CD226: variants seen among roughly 807,000 people sequenced by gnomAD.
CD226 encodes the protein CD226 antigen.
A neutral mutation model predicts 34.9 loss-of-function variants in CD226; 24 were observed. That is an observed-to-expected ratio of 0.69 (90% CI 0.50 to 0.97). CD226 has a LOEUF of 0.97. Among genes scored for constraint, CD226 ranks in the 50% least tolerant of loss-of-function variants. CD226 has a pLI of 0.00. For synonymous variants in CD226, 148 were observed against 147.4 expected (o/e 1.00, Z -0.03); for missense variants, 397 against 412.7 (o/e 0.96, Z 0.33).
upstream of CD226, among the ~76,000 whole-genome samples, chr18:69,948,698 G>A (rs947620089): frequency 6.6e-6 from 1 of 152,108 alleles, no homozygotes; most frequent in Non-Finnish European, 1.5e-5. Context: ...TGTGCCTCTA[G>A]TTGTTTTGTG....
At chr18:69,929,650 T>C (rs908847358) in intron 2 of CD226, among the ~76,000 whole-genome samples, 2 of 152,046 alleles carry the variant, frequency 1.3e-5, no homozygotes, top group African/African-American at 4.8e-5. Context: ...CAACCCAAGT[T>C]CTCTCTTGGG....
At position 69,853,380 on chromosome 18, in the gene CD226, G is replaced by A. The variant is rs997557599; in HGVS notation, c.*10934C>T. 3.3e-5 allele frequency: 5 copies of A among 152,104 alleles called. No homozygotes were observed. Among genetic ancestry groups the A allele is most frequent in the African/African-American group, 1.2e-4 (5 of 41,436 alleles). 9.4% of individuals were successfully genotyped at this position (152,104 alleles called of 1,614,324 possible). ...AGGCCTCAGGACGTATAGACCTTCT[G>A]CCCTCTGTTGTGTTCATCTTCCTTC... On this transcript the variant is annotated 3_prime_UTR_variant, in exon 6 of 6. Transcript: ENST00000582621.
chr18:69,934,108 C>A (rs375546658), intron 2 of CD226, among the ~76,000 whole-genome samples: 1 of 152,162 alleles, frequency 6.6e-6, no homozygotes, highest in African/African-American at 2.4e-5. Flanking sequence ...CAACTGAATT[C>A]TTTGGCTGTT....
chr18:69,928,594 A>T (rs2055552087), intron 2 of CD226, among the ~76,000 whole-genome samples: 1 of 152,226 alleles, frequency 6.6e-6, no homozygotes, highest in Admixed American at 6.5e-5. Context: ...CTTATCCAAA[A>T]TACTTGGGAA....
chr18:69,910,090 G>A (rs758552181), intron 2 of CD226, among the ~76,000 whole-genome samples: 30 of 152,208 alleles, frequency 2.0e-4, no homozygotes, highest in Non-Finnish European at 2.8e-4. Context: ...ACGGCAGCCT[G>A]AACTTTTTTC....
At chr18:69,901,306 C>T (rs2055179477) in intron 2 of CD226, among the ~76,000 whole-genome samples, 1 of 152,060 alleles carries the variant, frequency 6.6e-6, no homozygotes, top group African/African-American at 2.4e-5. Flanking sequence ...GAAATTATTG[C>T]TGTTTTGTGA....
At chr18:69,885,670 A>G (rs1043802717) in intron 3 of CD226, among the ~76,000 whole-genome samples, 5 of 152,098 alleles carry the variant, frequency 3.3e-5, no homozygotes, top group African/African-American at 1.2e-4. Flanking sequence ...GGCTACTCCT[A>G]AAGTTCCCCT....
intron 2 of CD226, among the ~76,000 whole-genome samples, chr18:69,900,711 C>T (rs1367315700): frequency 2.1e-5 from 3 of 142,166 alleles, no homozygotes; most frequent in African/African-American, 8.0e-5. Flanking sequence ...CGCAGTCCGG[C>T]CTGGGCGACA....
chr18:69,957,459 GT>G (rs1007062514), upstream of CD226, among the ~76,000 whole-genome samples: 3 of 152,100 alleles, frequency 2.0e-5, no homozygotes. Flanking sequence ...GAAACACTAG[GT>G]TTTTTGCTGC....
chr18:69,940,827 A>T (rs890937006), intron 2 of CD226, among the ~76,000 whole-genome samples: 2 of 152,234 alleles, frequency 1.3e-5, no homozygotes, highest in Admixed American at 1.3e-4. Context: ...GCCAAATGTA[A>T]ATCACCAAGA....
At chr18:69,873,031 A>T in intron 4 of CD226, 113 bp downstream of exon 4, 1 of 719,502 alleles carries the variant, frequency 1.4e-6, no homozygotes, top group Middle Eastern at 3.8e-4. Context: ...GTGTTAGAAC[A>T]GTACTCACAA....
intron 2 of CD226, among the ~76,000 whole-genome samples, chr18:69,916,861 T>C (rs1411261403): frequency 7.2e-5 from 11 of 152,202 alleles, no homozygotes; most frequent in Admixed American, 7.2e-4. Context: ...TTCTGAACCT[T>C]TGTGACATGG....
At chr18:69,876,673 G>A (rs922698612) in intron 3 of CD226, among the ~76,000 whole-genome samples, 4 of 151,992 alleles carry the variant, frequency 2.6e-5, no homozygotes, top group African/African-American at 9.7e-5. Context: ...CAAAGGTGTG[G>A]GTGGTTTTCC....
In CD226 at chr18:69,896,030, G is replaced by A. The variant is rs778957915; in HGVS notation, c.398C>T (p.Ala133Val). 39 of 1,608,330 alleles carry A rather than the reference G, an allele frequency of 2.4e-5. No homozygotes were observed. Among genetic ancestry groups the A allele is most frequent in the Non-Finnish European group, 3.0e-5 (35 of 1,178,386 alleles). ...QVVQSDSFEA[A>V]VPSNSHIVSE... is the part of the protein sequence containing the mutation. ...AACAATGTGGCTATTTGATGGCACA[G>A]CTGCCTCAAAACTATCTGAAAAGAA... is the stretch of plus-strand genomic sequence containing the variant. The change falls in exon 3 of 6, where the codon GCT (alanine) becomes GTT (valine). Residue 133 changes from alanine to valine, a missense_variant. Ala to Val is a moderately conservative substitution (Grantham distance 64, BLOSUM62 0). Transcript: ENST00000582621.
At chr18:69,961,205 C>T (rs1479053961), upstream of CD226, among the ~76,000 whole-genome samples, 1 of 152,022 alleles carries the variant, frequency 6.6e-6, no homozygotes, top group African/African-American at 2.4e-5. Flanking sequence ...ATGAATGTAC[C>T]TCAAGAATTT....
At chr18:69,910,793 G>T (rs888529826) in intron 2 of CD226, among the ~76,000 whole-genome samples, 1 of 152,150 alleles carries the variant, frequency 6.6e-6, no homozygotes, top group African/African-American at 2.4e-5. Flanking sequence ...CCACTTTTCT[G>T]TAAATCTAAA....
intron 2 of CD226, among the ~76,000 whole-genome samples, chr18:69,923,143 GAAGA>G (rs1287321811): frequency 1.4e-5 from 2 of 140,004 alleles, no homozygotes; most frequent in Non-Finnish European, 3.1e-5. Context: ...AAAAGTCAAA[GAAGA>G]AAGAAAGAAA....
At chr18:69,890,034 G>A (rs1240128500) in intron 3 of CD226, among the ~76,000 whole-genome samples, 1 of 152,102 alleles carries the variant, frequency 6.6e-6, no homozygotes, top group East Asian at 1.9e-4. Context: ...TCCAATCACT[G>A]TAGTTGATCT....
upstream of CD226, chr18:69,957,240 G>GT (rs1408287906): frequency 6.6e-6 from 1 of 152,066 alleles, no homozygotes; most frequent in African/African-American, 2.4e-5. Flanking sequence ...TCTTCCTCGT[G>GT]TTTTTTCCTG....
Sources: gnomAD v4.1 joint callset for allele counts (sites outside exome capture counted in the v4.1 genomes callset) on GRCh38, gnomAD v4.1.1 for gene constraint, MANE v1.5 for transcripts, NCBI Gene and HGNC (gene_info 2026-07-23, HGNC 2026-07-21) for gene names.